The following IL17D variants were observed in gnomAD, a reference collection of about 807,000 sequenced individuals.
IL17D encodes the protein interleukin-17D.
A neutral mutation model predicts 5.7 loss-of-function variants in IL17D; 10 were observed. That is an observed-to-expected ratio of 1.75 (90% CI 1.08 to 2.97). The LOEUF is 2.97. Ranked by LOEUF, IL17D falls within the 30% of genes most tolerant of loss-of-function variation. The probability of loss-of-function intolerance (pLI) is 0.00; values close to 1 mark genes in which losing one functional copy is unlikely to be tolerated. For synonymous variants in IL17D, 172 were observed against 141.7 expected, an observed-to-expected ratio of 1.21 and a Z score of -1.52; for missense variants, 354 against 292.7, an observed-to-expected ratio of 1.21 and a Z score of -1.53.
chr13:20,718,874 TCA>T (rs139319909), intron 1 of IL17D, among the ~76,000 whole-genome samples: 3,398 of 73,844 alleles, frequency 0.046, 117 homozygotes, highest in African/African-American at 0.12. Context: ...ATGCCCACAC[TCA>T]CACACACCTG....
At position 20,704,094 on chromosome 13, in the gene IL17D, C is replaced by T. The variant is rs912661329; in HGVS notation, c.93C>T (p.Cys31=). 2 of 1,236,184 alleles carry T rather than the reference C, an allele frequency of 1.6e-6. No homozygotes were observed. The highest frequency in any genetic ancestry group is 3.3e-5 in the Admixed American group (1 of 30,204). 76.6% of individuals were successfully genotyped at this position (1,236,184 alleles called of 1,614,324 possible). Residue 31 remains cysteine, a synonymous_variant, in exon 1 of 2, where the codon TGC becomes TGT. Transcript: ENST00000682841. ...GGCGCCCCGCGCGGCCGCGGGGCTGCGCGGACCGGCCGGAGGAGCTACTGG... is the reference window on the plus strand; with the variant it reads ...GGCGCCCCGCGCGGCCGCGGGGCTGTGCGGACCGGCCGGAGGAGCTACTGG... The part of the protein sequence containing the change: ...AGRRPARPRG[C]ADRPEELLEQ...
intron 1 of IL17D, among the ~76,000 whole-genome samples, chr13:20,721,298 G>A (rs998866248): frequency 1.1e-4 from 16 of 152,208 alleles, no homozygotes; most frequent in African/African-American, 3.9e-4. Flanking sequence ...GGGAAGCAGC[G>A]GCTCCGGGGC....
intron 1 of IL17D, among the ~76,000 whole-genome samples, chr13:20,704,846 T>A (rs1301932489): frequency 6.6e-6 from 1 of 152,002 alleles, no homozygotes; most frequent in Non-Finnish European, 1.5e-5. Context: ...GCCCCTGTGG[T>A]CCAGAGGCTG....
chr13:20,715,564 C>T (rs2058672968), intron 1 of IL17D, among the ~76,000 whole-genome samples: 1 of 152,126 alleles, frequency 6.6e-6, no homozygotes, highest in Non-Finnish European at 1.5e-5. Context: ...TGGGTTTCTG[C>T]TGATTCATTT....
In IL17D at chr13:20,721,648, C is replaced by T; in HGVS notation, c.303C>T (p.Asp101=). Residue 101 remains aspartate, a synonymous_variant, in exon 2 of 2, where the codon GAC becomes GAT. Coordinates refer to ENST00000682841, the MANE Select transcript of IL17D (RefSeq NM_001385224.1). ...TCTCTCCCTGCAGAATCTCCTACGA[C>T]CCGGCGAGGTACCCCAGGTACCTGC... is the stretch of plus-strand genomic sequence containing the variant. ...VSPWAYRISY[D]PARYPRYLPE... 2 of 1,599,266 alleles carry T rather than the reference C, an allele frequency of 1.3e-6. No individual in the cohort carries two copies. The highest frequency in any genetic ancestry group is 8.5e-7 in the Non-Finnish European group (1 of 1,170,978).
intron 1 of IL17D, among the ~76,000 whole-genome samples, chr13:20,707,312 G>A (rs1041830002): frequency 1.3e-4 from 19 of 151,904 alleles, no homozygotes; most frequent in African/African-American, 4.1e-4. Context: ...AAAAAAAACA[G>A]CCAGGTGTGG....
intron 1 of IL17D, among the ~76,000 whole-genome samples, chr13:20,718,702 T>TCAC (rs2058703278): frequency 1.5e-5 from 1 of 67,286 alleles, no homozygotes; most frequent in Non-Finnish European, 2.9e-5. Context: ...ACGCCCACGC[T>TCAC]CACACACACC....
At chr13:20,701,612 A>T (rs2058548632), upstream of IL17D, 1 of 152,198 alleles carries the variant, frequency 6.6e-6, no homozygotes, top group Admixed American at 6.5e-5. Context: ...TGGCCACATT[A>T]CAGATATGTT....
intron 1 of IL17D, 134 bp from the exon 2 acceptor site, chr13:20,721,502 C>T: frequency 4.5e-6 from 3 of 662,438 alleles, no homozygotes; most frequent in Non-Finnish European, 7.4e-6. Flanking sequence ...CGGCGGGGGG[C>T]CTCGCACGCA....
chr13:20,706,383 C>G (rs138497232), intron 1 of IL17D, among the ~76,000 whole-genome samples: 115 of 152,362 alleles, frequency 7.5e-4, no homozygotes, highest in Non-Finnish European at 1.5e-4. Context: ...ATTAACTTCT[C>G]TGGACAGAAG....
intron 1 of IL17D, among the ~76,000 whole-genome samples, chr13:20,714,488 A>G (rs1297245228): frequency 2.0e-5 from 3 of 152,248 alleles, no homozygotes; most frequent in Non-Finnish European, 2.9e-5. Context: ...TTGGTGCCTC[A>G]GTTTCCTCAC....
At chr13:20,715,731 T>G (rs1263622221) in intron 1 of IL17D, among the ~76,000 whole-genome samples, 1 of 152,080 alleles carries the variant, frequency 6.6e-6, no homozygotes, top group African/African-American at 2.4e-5. Context: ...TATAGATATA[T>G]CTATACATCT....
intron 1 of IL17D, among the ~76,000 whole-genome samples, chr13:20,711,188 G>A (rs886960554): frequency 6.6e-6 from 1 of 152,074 alleles, no homozygotes; most frequent in Middle Eastern, 3.4e-3. Flanking sequence ...CACTTGAACT[G>A]GGGAGGTGGA....
At chr13:20,718,391 TACAC>T (rs556354223) in intron 1 of IL17D, among the ~76,000 whole-genome samples, 1,791 of 141,968 alleles carry the variant, frequency 0.013, 20 homozygotes, top group Non-Finnish European at 0.02. Flanking sequence ...CCTGCCCACT[TACAC>T]ACACACGCCA....
In IL17D at chr13:20,716,926, C is replaced by T. The variant is rs948147482; in HGVS notation, c.291-4710C>T. ...CAAGGCGCGTGTGCCAACCAGCGCC[C>T]CAGCTATCCTTGGGCATCAGTTAGA... is the stretch of plus-strand genomic sequence containing the variant. On this transcript the variant is annotated intron_variant, in intron 1 of 1. Coordinates refer to ENST00000682841, the MANE Select transcript of IL17D (RefSeq NM_001385224.1). This position sits in a 1 kb window ranked among gnomAD's most constrained non-coding sequence, Gnocchi z 4.2. Among the ~76,000 whole-genome samples, 5 of 152,222 alleles carry T rather than the reference C, an allele frequency of 3.3e-5. No individual in the cohort carries two copies. The highest frequency in any genetic ancestry group is 7.3e-5 in the Non-Finnish European group (5 of 68,036).
intron 1 of IL17D, among the ~76,000 whole-genome samples, chr13:20,717,658 C>T (rs1179976444): frequency 1.3e-5 from 2 of 152,198 alleles, no homozygotes; most frequent in Non-Finnish European, 2.9e-5. Context: ...GGTAGATGCG[C>T]GGCACCCCCC....
rs1321115125 is a variant in IL17D, at chr13:20,722,086, G to A, written c.*132G>A. On this transcript the variant is annotated 3_prime_UTR_variant, in exon 2 of 2. Coordinates refer to ENST00000682841, the MANE Select transcript of IL17D (RefSeq NM_001385224.1). ...AACCAAGTGCCGGAGCACCAGCGCC[G>A]CCTTTCCATGGAGACTCGTAAGCAG... The A allele has an allele frequency of 2.8e-6, 2 of 704,988 alleles. No individual in the cohort carries two copies. Among genetic ancestry groups the A allele is most frequent in the South Asian group, 2.0e-5 (1 of 49,922 alleles). 43.7% of individuals were successfully genotyped at this position (704,988 alleles called of 1,614,324 possible). A position where few individuals can be genotyped will look rare whatever the true frequency, so the allele number is the denominator to read the frequency against.
chr13:20,713,517 A>G (rs1217068484), intron 1 of IL17D: 1 of 152,140 alleles, frequency 6.6e-6, no homozygotes, highest in Admixed American at 6.5e-5. Context: ...GAGCATTGTT[A>G]TGGGATTAAA....
At chr13:20,711,561 G>C (rs1175204235) in intron 1 of IL17D, among the ~76,000 whole-genome samples, 1 of 152,176 alleles carries the variant, frequency 6.6e-6, no homozygotes, top group Admixed American at 6.5e-5. Context: ...GTAAAGGAGA[G>C]TAGGGAGAAC....
Sources: allele counts gnomAD v4.1 joint callset (sites outside exome capture counted in the v4.1 genomes callset), GRCh38; gene constraint gnomAD v4.1.1; non-coding constraint Gnocchi (gnomAD v3.1); transcripts MANE v1.5; gene names NCBI Gene and HGNC (gene_info 2026-07-23, HGNC 2026-07-21).